PLEKHO1: variants seen among roughly 807,000 people sequenced by gnomAD.
PLEKHO1 encodes the protein pleckstrin homology domain containing O1, also known as pleckstrin homology domain-containing family O member 1.
In PLEKHO1, 22 loss-of-function variants were observed where a neutral mutation model predicts 41.4. The observed-to-expected ratio is 0.53, with a 90% CI of 0.38 to 0.76. The LOEUF (loss-of-function observed/expected upper bound fraction) is 0.76, where lower values mean the gene tolerates loss of function less well. Ranked by LOEUF, PLEKHO1 falls within the 30% of genes least tolerant of loss-of-function variation. The pLI, the probability that PLEKHO1 is intolerant of heterozygous loss-of-function variation, is 0.00. For synonymous variants in PLEKHO1, 225 were observed against 210.8 expected (o/e 1.07, Z -0.58); for missense variants, 488 against 518.3 (o/e 0.94, Z 0.57).
intron 2 of PLEKHO1, 172 bp from the exon 3 acceptor site, chr1:150,155,894 C>T (rs914784291): frequency 9.7e-5 from 61 of 628,864 alleles, no homozygotes; most frequent in Non-Finnish European, 1.4e-4. Context: ...GCTGCCCTAG[C>T]GTCCTCCTCG....
intron 1 of PLEKHO1, chr1:150,150,662 C>G (rs1659865518): frequency 2.1e-6 from 1 of 478,498 alleles, no homozygotes; most frequent in South Asian, 2.3e-5. Flanking sequence ...CTGGGAGCCT[C>G]TCCGCGCCCG....
Position 150,156,081 on chromosome 1 carries a change from A to T in PLEKHO1, c.193A>T (p.Asn65Tyr), listed in dbSNP as rs781863904. 171 of 1,613,344 alleles carry T rather than the reference A, an allele frequency of 1.1e-4. 1 individual carries two copies. Among genetic ancestry groups the T allele is most frequent in the Non-Finnish European group, 1.3e-4 (158 of 1,179,634 alleles). ...ISEKEVKDEK[N>Y]IQEVFDLSDY... ...CCTCCCCTAGGTAAAAGATGAGAAA[A>T]ATATTCAAGAGGTATTTGACCTGAG... is the stretch of plus-strand genomic sequence containing the variant. Residue 65 changes from asparagine to tyrosine, a missense_variant, in exon 3 of 6, where the codon AAT (asparagine) becomes TAT (tyrosine). Around this residue, in one of 3 missense-constraint regions of PLEKHO1, gnomAD observed 92 missense variants for 82.3 expected, o/e 1.12. Coordinates refer to ENST00000369124, the MANE Select transcript of PLEKHO1 (RefSeq NM_016274.6).
At chr1:150,158,185 C>T (rs1035268362) in intron 5 of PLEKHO1, among the ~76,000 whole-genome samples, 2 of 152,144 alleles carry the variant, frequency 1.3e-5, no homozygotes, top group African/African-American at 2.4e-5. Context: ...GGAGGACAGT[C>T]GTGCCATGGG....
At chr1:150,153,252 A>G (rs1162134286) in intron 2 of PLEKHO1, among the ~76,000 whole-genome samples, 2 of 152,142 alleles carry the variant, frequency 1.3e-5, no homozygotes, top group African/African-American at 2.4e-5. Flanking sequence ...CAGTGTCACA[A>G]TCGTAGCTCA....
In PLEKHO1 at chr1:150,158,894, A is replaced by G. The variant is rs146105595; in HGVS notation, c.601A>G (p.Thr201Ala). ...QEEDPSPEEPTSCAESFRVDL... is the reference protein window; with the variant it reads ...QEEDPSPEEPASCAESFRVDL... ...GGAAGACCCTTCCCCTGAGGAACCA[A>G]CCTCTTGTGCTGAGAGCTTTCGGGT... Residue 201 changes from threonine to alanine, a missense_variant, in exon 6 of 6, where the codon ACC becomes GCC. This residue lies in a region of PLEKHO1 where 337 missense variants were observed against 324.6 expected (regional missense o/e 1.04). Coordinates refer to ENST00000369124, the MANE Select transcript of PLEKHO1 (RefSeq NM_016274.6). The G allele has an allele frequency of 6.2e-6, 10 of 1,613,668 alleles. No individual in the cohort carries two copies. Among genetic ancestry groups the G allele is most frequent in the East Asian group, 2.2e-5 (1 of 44,868 alleles).
At position 150,157,377 on chromosome 1, in the gene PLEKHO1, C is replaced by T; in HGVS notation, c.424-8C>T. The T allele has an allele frequency of 6.2e-7, 1 of 1,605,132 alleles. No homozygotes were observed. The highest frequency in any genetic ancestry group is 1.1e-5 in the South Asian group (1 of 90,846). ...AGAGCACTCATGATTCACAGTACAT[C>T]TCTTCAGGTCACCGTTGAGGAGGAC... On this transcript the variant is annotated splice_polypyrimidine_tract_variant and splice_region_variant and intron_variant, in intron 4 of 5. Coordinates refer to ENST00000369124, the MANE Select transcript of PLEKHO1 (RefSeq NM_016274.6).
Position 150,159,787 on chromosome 1 carries a change from C to T in PLEKHO1, c.*264C>T, listed in dbSNP as rs144511843. The stretch of plus-strand genomic sequence containing the variant: ...AGAGAGAGAGAAGGCACGGTAAAGA[C>T]ACAGTCTGACCACTCCACACACCGC... On this transcript the variant is annotated 3_prime_UTR_variant, in exon 6 of 6. Transcript: ENST00000369124. 887 of 397,974 alleles carry T rather than the reference C, an allele frequency of 2.2e-3. 6 individuals are homozygous for T. Among genetic ancestry groups the T allele is most frequent in the Middle Eastern group, 0.019 (27 of 1,434 alleles). 24.7% of individuals were successfully genotyped at this position (397,974 alleles called of 1,614,324 possible).
Position 150,150,240 on chromosome 1 carries a change from C to G in PLEKHO1, c.-18C>G. 3 of 1,071,358 alleles carry G rather than the reference C, an allele frequency of 2.8e-6. No homozygotes were observed. The South Asian group carries it at 9.3e-5, about 33-fold the overall frequency. 66.4% of individuals were successfully genotyped at this position (1,071,358 alleles called of 1,614,324 possible). A position where few individuals can be genotyped will look rare whatever the true frequency, so the allele number is the denominator to read the frequency against. On this transcript the variant is annotated 5_prime_UTR_variant, in exon 1 of 6. Coordinates refer to ENST00000369124, the MANE Select transcript of PLEKHO1 (RefSeq NM_016274.6). ...GGCCGCCCCTCGGCTCGCCGCCCCG[C>G]GCCCGCGCCCGCTGGGAATGATGAA... is the stretch of plus-strand genomic sequence containing the variant.
At chr1:150,157,122 C>A (rs1397310562) in intron 4 of PLEKHO1, 107 bp downstream of exon 4, 2 of 768,376 alleles carry the variant, frequency 2.6e-6, no homozygotes, top group East Asian at 5.1e-5. Flanking sequence ...CGCTCCTCCA[C>A]CAGCTCTACT....
At position 150,150,141 on chromosome 1, in the gene PLEKHO1, G is replaced by T; in HGVS notation, c.-117G>T. ...GAGCGGGAGGGCGCGAGGGAGGAGC[G>T]GCGGCGCCGGGGCAGCTCCGACGCC... On this transcript the variant is annotated 5_prime_UTR_variant, in exon 1 of 6. Coordinates refer to ENST00000369124, the MANE Select transcript of PLEKHO1 (RefSeq NM_016274.6). The T allele has an allele frequency of 3.6e-6, 1 of 276,810 alleles. No homozygotes were observed. Among genetic ancestry groups the T allele is most frequent in the Non-Finnish European group, 5.6e-6 (1 of 179,050 alleles). The allele number at this position is 276,810 out of a possible 1,614,324, so 17.1% of individuals were successfully genotyped here. A position where few individuals can be genotyped will look rare whatever the true frequency, so the allele number is the denominator to read the frequency against.
chr1:150,155,084 G>GA (rs1265850748), intron 2 of PLEKHO1: 2 of 152,362 alleles, frequency 1.3e-5, no homozygotes, highest in East Asian at 3.9e-4. Context: ...ATGTCACTAG[G>GA]AATGCGGCCT....
chr1:150,150,674 C>T (rs1291041809), intron 1 of PLEKHO1: 2 of 493,560 alleles, frequency 4.1e-6, no homozygotes, highest in Non-Finnish European at 7.3e-6. Context: ...CCGCGCCCGG[C>T]CGGCGCCCCT....
intron 2 of PLEKHO1, chr1:150,155,475 G>A (rs1660126894): frequency 1.3e-5 from 2 of 152,364 alleles, no homozygotes; most frequent in African/African-American, 4.8e-5. Flanking sequence ...CCGTCCTGTG[G>A]TGGCGATGCT....
chr1:150,154,307 C>G (rs1660081022), intron 2 of PLEKHO1: 1 of 152,334 alleles, frequency 6.6e-6, no homozygotes. Context: ...ACACCCCTTG[C>G]CAGCACCTTG....
At chr1:150,156,366 C>T (rs2101689582) in intron 3 of PLEKHO1, among the ~76,000 whole-genome samples, 160 bp downstream of exon 3, 1 of 152,266 alleles carries the variant, frequency 6.6e-6, no homozygotes, top group Admixed American at 6.5e-5. Flanking sequence ...ATATTGTAGC[C>T]ATTTCCTTCT....
At position 150,159,327 on chromosome 1, in the gene PLEKHO1, A is replaced by C; in HGVS notation, c.1034A>C (p.Asp345Ala). The C allele has an allele frequency of 6.2e-7, 1 of 1,614,182 alleles. No individual in the cohort carries two copies. The highest frequency in any genetic ancestry group is 1.1e-5 in the South Asian group (1 of 91,076). The change falls in exon 6 of 6, where the codon GAT becomes GCT. Residue 345 changes from aspartate to alanine, a missense_variant. Asp to Ala is a moderately radical substitution (Grantham distance 126). Coordinates refer to ENST00000369124, the MANE Select transcript of PLEKHO1 (RefSeq NM_016274.6). ...AAGGACCCCCCTCGGTCTCCGCCGG[A>C]TTCTGAGTCAGAGCAGCTGCTGCTG... ...KAKDPPRSPPDSESEQLLLET... is the reference protein window; with the variant it reads ...KAKDPPRSPPASESEQLLLET...
chr1:150,156,393 C>G (rs1489051679), intron 3 of PLEKHO1, among the ~76,000 whole-genome samples, 187 bp downstream of exon 3: 1 of 152,184 alleles, frequency 6.6e-6, no homozygotes, highest in Non-Finnish European at 1.5e-5. Context: ...GCAGGCCACC[C>G]TTTAACCTGT....
intron 1 of PLEKHO1, 45 bp from the exon 2 acceptor site, chr1:150,150,867 G>GA: frequency 6.3e-7 from 1 of 1,588,920 alleles, no homozygotes; most frequent in Non-Finnish European, 8.6e-7. Flanking sequence ...GGAAGCGCCG[G>GA]CTGGAATCTC....
At chr1:150,155,342 T>C (rs1159039947) in intron 2 of PLEKHO1, 1 of 152,044 alleles carries the variant, frequency 6.6e-6, no homozygotes, top group Non-Finnish European at 1.5e-5. Flanking sequence ...TGCCTAGAGA[T>C]AGGGGGTCTG....
Sources: allele counts gnomAD v4.1 joint callset (sites outside exome capture counted in the v4.1 genomes callset), GRCh38; gene constraint gnomAD v4.1.1; regional missense constraint gnomAD v4.1.1; transcripts MANE v1.5; gene names NCBI Gene and HGNC (gene_info 2026-07-23, HGNC 2026-07-21).